The following CMKLR2 variants were observed in gnomAD, a reference collection of about 807,000 sequenced individuals.
CMKLR2 encodes chemerin-like receptor 2.
Under a neutral mutation model 23.0 loss-of-function variants are expected in CMKLR2, and 18 were observed. The observed-to-expected ratio is 0.78, with a 90% confidence interval of 0.54 to 1.16. The LOEUF (loss-of-function observed/expected upper bound fraction) is 1.16, where lower values mean the gene tolerates loss of function less well. Ranked by LOEUF, CMKLR2 falls within the 50% of genes most tolerant of loss-of-function variation. The pLI is 0.00. For missense variants in CMKLR2, 401 were observed against 412.7 expected (o/e 0.97, Z 0.25); for synonymous variants, 158 against 158.9 (o/e 0.99, Z 0.05).
chr2:206,194,310 A>C (rs1262071986), intron 1 of CMKLR2, among the ~76,000 whole-genome samples: 1 of 152,128 alleles, frequency 6.6e-6, no homozygotes, highest in Non-Finnish European at 1.5e-5. Flanking sequence ...TTTTTCTCCT[A>C]GGAGGAGATA....
intron 1 of CMKLR2, among the ~76,000 whole-genome samples, chr2:206,194,199 C>T (rs1023081344): frequency 1.3e-5 from 2 of 152,132 alleles, no homozygotes; most frequent in Non-Finnish European, 2.9e-5. Context: ...TTTGTAGCAA[C>T]AGTAATGCTG....
At chr2:206,185,332 A>C (rs1220145077) in intron 1 of CMKLR2, among the ~76,000 whole-genome samples, 1 of 152,198 alleles carries the variant, frequency 6.6e-6, no homozygotes, top group Non-Finnish European at 1.5e-5. Context: ...TCGTTGAAAA[A>C]ATAACTGCAA....
Position 206,176,714 on chromosome 2 carries a change from A to G in CMKLR2, c.534T>C (p.Thr178=), listed in dbSNP as rs143201616. ...AAAGAGTATGATTATTGAACTCCAC[A>G]GTGTCCCGGAAGTACAGGGCAGGAC... ...IGGPALYFRD[T]VEFNNHTLCY... The change falls in exon 2 of 2, where the codon ACT becomes ACC. Residue 178 remains threonine (T), a synonymous_variant. Transcript: ENST00000621141. 52 of 1,614,220 alleles carry G rather than the reference A, an allele frequency of 3.2e-5. No homozygotes were observed. In the African/African-American group the frequency reaches 5.7e-4, roughly 18 times the overall value.
At position 206,198,111 on chromosome 2, in the gene CMKLR2, C is replaced by A. The variant is rs189231464; in HGVS notation, c.-29+15196G>T. On this transcript the variant is annotated intron_variant, in intron 1 of 1. Coordinates refer to ENST00000621141, the MANE Select transcript of CMKLR2 (RefSeq NM_001389445.1). ...TGGGTTATGGAAGAGCAGCGTAGGA[C>A]CTTGTCTTTGTTTAAAAATTTGATA... 5.3e-5 allele frequency among the ~76,000 whole-genome samples: 8 copies of A among 152,178 alleles called. No individual in the cohort carries two copies. The East Asian group carries it at 1.5e-3, about 29-fold the overall frequency.
At chr2:206,204,664 T>A (rs1255913050) in intron 1 of CMKLR2, among the ~76,000 whole-genome samples, 1 of 151,882 alleles carries the variant, frequency 6.6e-6, no homozygotes. Flanking sequence ...GTTCAAGCAA[T>A]TCCTCTGCCC....
chr2:206,206,042 AG>A (rs1689305637), intron 1 of CMKLR2, among the ~76,000 whole-genome samples: 1 of 152,134 alleles, frequency 6.6e-6, no homozygotes, highest in South Asian at 2.1e-4. Flanking sequence ...AGCAGTTTTC[AG>A]TGTGTGCTGA....
chr2:206,197,144 G>A (rs1414884411), intron 1 of CMKLR2, among the ~76,000 whole-genome samples: 6 of 152,082 alleles, frequency 3.9e-5, no homozygotes, highest in African/African-American at 1.4e-4. Flanking sequence ...TCTTGACCTC[G>A]TGATCTGCCT....
intron 1 of CMKLR2, among the ~76,000 whole-genome samples, chr2:206,183,353 T>C (rs919362392): frequency 6.6e-5 from 10 of 152,188 alleles, no homozygotes; most frequent in Non-Finnish European, 1.3e-4. Context: ...AATGTCATTA[T>C]TGACCCTGCT....
rs754334405 is a variant in CMKLR2, at chr2:206,177,208, TTTCAAA to T, written c.34_39del (p.Phe12_Glu13del). On this transcript the variant is annotated inframe_deletion, in exon 2 of 2. Coordinates refer to ENST00000621141, the MANE Select transcript of CMKLR2 (RefSeq NM_001389445.1). Reference sequence around the variant, plus strand: ...TAATAGTCTAGGTCATAGGAATAGTTTTCAAATTCTTCAAATAATGTTTCCTCCAAA... The same window carrying T: ...TAATAGTCTAGGTCATAGGAATAGTTTTCTTCAAATAATGTTTCCTCCAAA... 8.1e-6 allele frequency: 13 copies of T among 1,608,368 alleles called. No homozygotes were observed. The highest frequency in any genetic ancestry group is 1.1e-5 in the Non-Finnish European group (13 of 1,177,954).
intron 1 of CMKLR2, among the ~76,000 whole-genome samples, chr2:206,196,763 C>G (rs890104137): frequency 2.0e-5 from 3 of 152,152 alleles, no homozygotes; most frequent in Non-Finnish European, 4.4e-5. Flanking sequence ...CTCTGTTCCT[C>G]GGGCTGGTTC....
At chr2:206,194,438 T>C (rs1013069243) in intron 1 of CMKLR2, among the ~76,000 whole-genome samples, 1 of 151,762 alleles carries the variant, frequency 6.6e-6, no homozygotes, top group Admixed American at 6.6e-5. Context: ...GATTTAATGG[T>C]TTAAGACATT....
chr2:206,188,607 AAAG>A (rs1486931037), intron 1 of CMKLR2, among the ~76,000 whole-genome samples: 1 of 152,190 alleles, frequency 6.6e-6, no homozygotes, highest in African/African-American at 2.4e-5. Context: ...GGTGTGAAGC[AAAG>A]TTCAGAGAAC....
At chr2:206,204,752 T>C (rs1253491921) in intron 1 of CMKLR2, among the ~76,000 whole-genome samples, 2 of 152,006 alleles carry the variant, frequency 1.3e-5, no homozygotes, top group Admixed American at 6.6e-5. Context: ...GCATTTTGGA[T>C]CTGGGTTTCA....
intron 1 of CMKLR2, among the ~76,000 whole-genome samples, chr2:206,199,751 A>G (rs1689033918): frequency 6.6e-6 from 1 of 151,630 alleles, no homozygotes; most frequent in South Asian, 2.1e-4. Context: ...ACCCACCACC[A>G]CACCTGGCTA....
intron 1 of CMKLR2, among the ~76,000 whole-genome samples, chr2:206,206,136 C>T (rs1689309112): frequency 6.6e-6 from 1 of 152,114 alleles, no homozygotes; most frequent in Non-Finnish European, 1.5e-5. Flanking sequence ...AAATACCATT[C>T]CAGAACAAGG....
rs1688189887 is a variant in CMKLR2 at position 206,175,927 on chromosome 2, A to G, written c.*253T>C. ...GAATGATGCATTTCATTTAAGTTGC[A>G]GAAAAAAATTATGCGGATCCTTCCT... On this transcript the variant is annotated 3_prime_UTR_variant, in exon 2 of 2. Coordinates refer to ENST00000621141, the MANE Select transcript of CMKLR2 (RefSeq NM_001389445.1). 1 of 349,066 alleles carries G rather than the reference A, an allele frequency of 2.9e-6. No homozygotes were observed. Among genetic ancestry groups the G allele is most frequent in the African/African-American group, 2.1e-5 (1 of 47,568 alleles). The allele number at this position is 349,066 out of a possible 1,614,324, so 21.6% of individuals were successfully genotyped here.
chr2:206,180,733 C>CTATTATTATTATTAT (rs1270503964), intron 1 of CMKLR2, among the ~76,000 whole-genome samples: 3 of 27,258 alleles, frequency 1.1e-4, no homozygotes, highest in Admixed American at 4.1e-4. Flanking sequence ...TGTGCCCAGC[C>CTATTATTATTATTAT]CATTATTATT....
chr2:206,207,562 T>C (rs1338466830), intron 1 of CMKLR2, among the ~76,000 whole-genome samples: 1 of 152,082 alleles, frequency 6.6e-6, no homozygotes, highest in Admixed American at 6.5e-5. Context: ...TGAGTACTTG[T>C]TAAGTATGGT....
intron 1 of CMKLR2, among the ~76,000 whole-genome samples, chr2:206,179,949 T>C (rs1688359256): frequency 6.6e-6 from 1 of 152,162 alleles, no homozygotes; most frequent in Non-Finnish European, 1.5e-5. Context: ...TTCATCATCC[T>C]ACCTAAAACC....
Sources: allele counts gnomAD v4.1 joint callset (sites outside exome capture counted in the v4.1 genomes callset), GRCh38; gene constraint gnomAD v4.1.1; transcripts MANE v1.5; gene names NCBI Gene and HGNC (gene_info 2026-07-23, HGNC 2026-07-21).